Variants in LSM5 observed in about 807,000 individuals in gnomAD.
The protein encoded by LSM5 is LSM5 homolog, U6 small nuclear RNA and mRNA degradation associated, also known as U6 snRNA-associated Sm-like protein LSm5.
Under a neutral mutation model 13.8 loss-of-function variants are expected in LSM5, and 8 were observed. The ratio of observed to expected loss-of-function variants is 0.58; its 90% CI spans 0.34 to 1.04. LSM5 has a LOEUF of 1.04. LSM5 is among the 50% of genes least tolerant of loss of function. The probability of loss-of-function intolerance (pLI) is 0.03; values close to 1 mark genes in which losing one functional copy is unlikely to be tolerated. For missense variants in LSM5, 80 were observed against 108.1 expected (o/e 0.74, Z 1.15); for synonymous variants, 35 against 37.0 (o/e 0.95, Z 0.20).
intron 1 of LSM5, chr7:32,489,664 C>A: frequency 3.2e-6 from 1 of 310,802 alleles, no homozygotes; most frequent in Non-Finnish European, 6.1e-6. Flanking sequence ...GTCACTGCTT[C>A]CCTTTCCCAA....
At position 32,486,207 on chromosome 7, in the gene LSM5, G is replaced by C. The variant is rs114982017; in HGVS notation, c.*1054C>G. On this transcript the variant is annotated 3_prime_UTR_variant, in exon 5 of 5. Transcript: ENST00000450169. ...AGATCTAGTTAGACTACTGTGGCCA[G>C]TAAGAATAGGCTAAATAATTTATAG... 2.7e-3 allele frequency: 417 copies of C among 152,262 alleles called. 5 individuals carry two copies. Among genetic ancestry groups the C allele is most frequent in the African/African-American group, 9.7e-3 (404 of 41,546 alleles). The allele number at this position is 152,262 out of a possible 1,614,324, so 9.4% of individuals were successfully genotyped here.
At position 32,486,270 on chromosome 7, in the gene LSM5, A is replaced by G. The variant is rs1437651341; in HGVS notation, c.*991T>C. ...ATACTATGTACATATTAATGTTGAA[A>G]TATTTGACACAGAAAGATATTCACC... is the stretch of plus-strand genomic sequence containing the variant. On this transcript the variant is annotated 3_prime_UTR_variant, in exon 5 of 5. Coordinates refer to ENST00000450169, the MANE Select transcript of LSM5 (RefSeq NM_012322.3). 6.6e-6 allele frequency: 1 copy of G among 152,232 alleles called. No homozygotes were observed. The allele number at this position is 152,232 out of a possible 1,614,324, so 9.4% of individuals were successfully genotyped here. A position where few individuals can be genotyped will look rare whatever the true frequency, so the allele number is the denominator to read the frequency against.
intron 4 of LSM5, 24 bp from the exon 5 acceptor site, chr7:32,487,317 T>A: frequency 6.2e-7 from 1 of 1,607,650 alleles, no homozygotes; most frequent in South Asian, 1.1e-5. Flanking sequence ...AAAAAGAGTT[T>A]ATTAATAACA....
Position 32,486,992 on chromosome 7 carries a change from C to A in LSM5, c.*269G>T. 1 of 457,434 alleles carries A rather than the reference C, an allele frequency of 2.2e-6. No individual in the cohort carries two copies. Among genetic ancestry groups the A allele is most frequent in the Middle Eastern group, 5.7e-4 (1 of 1,740 alleles). 28.3% of individuals were successfully genotyped at this position (457,434 alleles called of 1,614,324 possible). ...AAGTAAGTGGCAAAATAACTACAAA[C>A]TTTGTTCCACTGGCTACTGCAGTAG... On this transcript the variant is annotated 3_prime_UTR_variant, in exon 5 of 5. Coordinates refer to ENST00000450169, the MANE Select transcript of LSM5 (RefSeq NM_012322.3).
At chr7:32,488,146 G>C (rs1415277061) in intron 3 of LSM5, 1 of 220,718 alleles carries the variant, frequency 4.5e-6, no homozygotes, top group African/African-American at 2.4e-5. Flanking sequence ...CTGGGCTCAA[G>C]GGATCCTCAC....
chr7:32,492,533 C>CAA (rs11435352), upstream of LSM5, among the ~76,000 whole-genome samples: 11,228 of 102,624 alleles, frequency 0.11, 462 homozygotes, highest in Non-Finnish European at 0.14. Context: ...ACAACAACAA[C>CAA]AAAAAAAAAA....
rs1179077056 is a variant in LSM5 at position 32,487,257 on chromosome 7, T to C, written c.*4A>G. On this transcript the variant is annotated 3_prime_UTR_variant, in exon 5 of 5. Coordinates refer to ENST00000450169, the MANE Select transcript of LSM5 (RefSeq NM_012322.3). ...AAAATCTAGTGTAAGTCAAGGAAAC[T>C]CATTCACACTTCAGGTCCTTCTCCT... is the stretch of plus-strand genomic sequence containing the variant. 2 of 1,613,444 alleles carry C rather than the reference T, an allele frequency of 1.2e-6. No individual in the cohort carries two copies. The highest frequency in any genetic ancestry group is 2.7e-5 in the African/African-American group (2 of 74,908).
chr7:32,494,805 AAT>A (rs1375238240), upstream of LSM5, among the ~76,000 whole-genome samples: 1 of 152,244 alleles, frequency 6.6e-6, no homozygotes. Flanking sequence ...GCAGGACTAG[AAT>A]AATCATTTTA....
At chr7:32,490,436 G>T (rs954214122), upstream of LSM5, 55 of 1,346,068 alleles carry the variant, frequency 4.1e-5, no homozygotes, top group African/African-American at 6.4e-4. Flanking sequence ...CGCTTTTTCC[G>T]CAGCCCAAAC....
intron 2 of LSM5, 48 bp from the exon 3 acceptor site, chr7:32,488,700 T>G: frequency 1.5e-6 from 2 of 1,308,888 alleles, no homozygotes; most frequent in Non-Finnish European, 2.2e-6. Context: ...CTCTAGCTTC[T>G]GCCTTTGTTC....
chr7:32,491,985 A>G (rs989443483), upstream of LSM5, among the ~76,000 whole-genome samples: 2 of 152,144 alleles, frequency 1.3e-5, no homozygotes, highest in African/African-American at 4.8e-5. Flanking sequence ...GATTCTCACT[A>G]TTTCATTCAC....
At chr7:32,487,615 G>C (rs928980070) in intron 4 of LSM5, 70 bp downstream of exon 4, 2 of 841,720 alleles carry the variant, frequency 2.4e-6, no homozygotes, top group African/African-American at 3.3e-5. Flanking sequence ...CAACATTAAG[G>C]TTAGTTCTGT....
At chr7:32,487,397 G>A (rs7800049) in intron 4 of LSM5, 104 bp from the exon 5 acceptor site, 648,545 of 819,174 alleles carry the variant, frequency 0.79, 258,903 homozygotes, top group East Asian at 0.86. Flanking sequence ...TGCACTCCAC[G>A]TTCCCATTTT....
At chr7:32,490,448 G>A (rs1412231328), upstream of LSM5, 2 of 1,191,480 alleles carry the variant, frequency 1.7e-6, no homozygotes, top group Non-Finnish European at 2.5e-6. Flanking sequence ...AGCCCAAACA[G>A]GCTCGACCAA....
At chr7:32,492,294 G>A (rs944507712), upstream of LSM5, among the ~76,000 whole-genome samples, 1 of 152,206 alleles carries the variant, frequency 6.6e-6, no homozygotes, top group Non-Finnish European at 1.5e-5. Flanking sequence ...GGGGGCCGAG[G>A]TGGGCGGATC....
At chr7:32,490,535 G>A (rs995457202), upstream of LSM5, 2 of 624,404 alleles carry the variant, frequency 3.2e-6, no homozygotes, top group Non-Finnish European at 5.9e-6. Context: ...GTGAGATCCG[G>A]TGAAATATTT....
chr7:32,491,431 A>G (rs1053801903), upstream of LSM5, among the ~76,000 whole-genome samples: 28 of 151,606 alleles, frequency 1.8e-4, no homozygotes, highest in Non-Finnish European at 2.8e-4. Context: ...AACAATAAAC[A>G]TGAGCGGCCA....
At chr7:32,489,677 C>CT (rs1208792972) in intron 1 of LSM5, 2 of 305,444 alleles carry the variant, frequency 6.5e-6, no homozygotes. Flanking sequence ...TTTCCCAACT[C>CT]TGTCTATCCT....
chr7:32,492,254 A>G (rs1420359392), upstream of LSM5, among the ~76,000 whole-genome samples: 2 of 152,214 alleles, frequency 1.3e-5, no homozygotes, highest in Non-Finnish European at 2.9e-5. Flanking sequence ...GGCTGGGCAC[A>G]GTGGCTCACG....
Sources: gnomAD v4.1 joint callset for allele counts (sites outside exome capture counted in the v4.1 genomes callset) on GRCh38, gnomAD v4.1.1 for gene constraint, MANE v1.5 for transcripts, NCBI Gene and HGNC (gene_info 2026-07-23, HGNC 2026-07-21) for gene names.